PCDH11Y: variants seen among roughly 807,000 people sequenced by gnomAD.
PCDH11Y encodes the protein protocadherin 11 Y-linked, also known as protocadherin-11 Y-linked.
For synonymous variants in PCDH11Y, 9 were observed against 83.6 expected (o/e 0.11, Z 4.87); for missense variants, 12 against 224.8 (o/e 0.05, Z 6.05).
intron 3 of PCDH11Y, among the ~76,000 whole-genome samples, chrY:5,036,738 A>C (rs2124622292): frequency 5.9e-5 from 2 of 33,653 alleles, no homozygotes; most frequent in East Asian, 1.6e-3. Flanking sequence ...ATTGGAAATT[A>C]ATGACTGTCT....
At chrY:5,462,320 A>T in intron 2 of PCDH11Y, among the ~76,000 whole-genome samples, 1 of 33,608 alleles carries the variant, frequency 3.0e-5, no homozygotes, top group African/African-American at 1.2e-4. Flanking sequence ...CTCTGAGGAC[A>T]TCTGTTGGTG....
intron 1 of PCDH11Y, among the ~76,000 whole-genome samples, chrY:5,088,201 C>T: frequency 3.1e-5 from 1 of 32,319 alleles, no homozygotes; most frequent in South Asian, 7.1e-4. Flanking sequence ...ATCAGTGGAA[C>T]CTTCTATTCT....
intron 2 of PCDH11Y, among the ~76,000 whole-genome samples, chrY:5,457,356 A>G: frequency 5.9e-5 from 2 of 33,851 alleles, no homozygotes; most frequent in African/African-American, 2.3e-4. Context: ...TGGAAATTCC[A>G]TCTGCCTTGT....
At chrY:5,256,333 G>T (rs2053011067) in intron 2 of PCDH11Y, among the ~76,000 whole-genome samples, 2 of 32,371 alleles carry the variant, frequency 6.2e-5, no homozygotes, top group African/African-American at 2.4e-4. Context: ...TGGCACCTTT[G>T]TTGAAAACGA....
chrY:5,677,450 A>G, intron 4 of PCDH11Y, among the ~76,000 whole-genome samples: 1 of 31,924 alleles, frequency 3.1e-5, no homozygotes, highest in African/African-American at 1.2e-4. Context: ...TTGTTCTTCC[A>G]TCATAACGCA....
chrY:5,059,065 G>C, intron 1 of PCDH11Y, among the ~76,000 whole-genome samples: 1 of 33,225 alleles, frequency 3.0e-5, no homozygotes, highest in South Asian at 6.7e-4. Flanking sequence ...AGACATACCT[G>C]CATAGAAGAT....
At chrY:5,535,690 A>T in intron 3 of PCDH11Y, among the ~76,000 whole-genome samples, 1 of 33,263 alleles carries the variant, frequency 3.0e-5, no homozygotes. Context: ...GTTGCTATGA[A>T]CATGCATGTG....
At chrY:5,424,861 G>C in intron 2 of PCDH11Y, among the ~76,000 whole-genome samples, 1 of 31,571 alleles carries the variant, frequency 3.2e-5, no homozygotes, top group Non-Finnish European at 7.6e-5. Context: ...ATTTTTAGTA[G>C]AGATGGGGTT....
At chrY:5,034,660 T>C in intron 3 of PCDH11Y, among the ~76,000 whole-genome samples, 1 of 33,163 alleles carries the variant, frequency 3.0e-5, no homozygotes, top group Non-Finnish European at 7.5e-5. Context: ...ATGAGATTTG[T>C]TTCCATTTTA....
chrY:5,433,820 G>A, intron 2 of PCDH11Y, among the ~76,000 whole-genome samples: 1 of 32,168 alleles, frequency 3.1e-5, no homozygotes, highest in South Asian at 7.2e-4. Flanking sequence ...ATGCAGATAA[G>A]CACACCTAAC....
intron 3 of PCDH11Y, among the ~76,000 whole-genome samples, chrY:5,516,609 C>T (rs2053372966): frequency 1.8e-4 from 6 of 32,612 alleles, no homozygotes; most frequent in South Asian, 6.7e-4. Context: ...GATATGTGTC[C>T]GGGCATTTAC....
intron 2 of PCDH11Y, among the ~76,000 whole-genome samples, chrY:5,155,881 CAG>C (rs2052869203): frequency 1.3e-4 from 3 of 23,771 alleles, no homozygotes; most frequent in African/African-American, 3.4e-4. Flanking sequence ...GGAGGTGAGA[CAG>C]GGGGAGAAGT....
At chrY:5,624,802 A>G (rs2053505116) in intron 4 of PCDH11Y, among the ~76,000 whole-genome samples, 2 of 32,534 alleles carry the variant, frequency 6.1e-5, no homozygotes, top group Non-Finnish European at 1.5e-4. Flanking sequence ...TGTAGTTTGA[A>G]GTTGGATAAT....
chrY:5,490,017 C>T, intron 2 of PCDH11Y, among the ~76,000 whole-genome samples: 1 of 32,526 alleles, frequency 3.1e-5, no homozygotes, highest in South Asian at 6.8e-4. Context: ...AAAAAAGAGT[C>T]TATTATAAAC....
intron 4 of PCDH11Y, among the ~76,000 whole-genome samples, chrY:5,700,403 C>G: frequency 6.1e-5 from 2 of 32,845 alleles, no homozygotes; most frequent in Non-Finnish European, 7.4e-5. Context: ...AATTGTAGCT[C>G]CCATAATTCC....
intron 2 of PCDH11Y, among the ~76,000 whole-genome samples, chrY:5,233,940 G>C: frequency 3.1e-5 from 1 of 32,587 alleles, no homozygotes; most frequent in Non-Finnish European, 7.5e-5. Context: ...AAATGGCATA[G>C]AATGAGAACA....
chrY:5,418,082 C>T, intron 2 of PCDH11Y, among the ~76,000 whole-genome samples: 1 of 31,725 alleles, frequency 3.2e-5, no homozygotes, highest in Admixed American at 3.0e-4. Flanking sequence ...GTACAACTAA[C>T]GCTAATGGTT....
chrY:5,228,481 C>G, intron 2 of PCDH11Y, among the ~76,000 whole-genome samples: 2 of 31,192 alleles, frequency 6.4e-5, no homozygotes, highest in Non-Finnish European at 1.6e-4. Context: ...TTGATTTGCT[C>G]TTACTTTTCT....
intron 2 of PCDH11Y, among the ~76,000 whole-genome samples, chrY:5,499,234 C>T: frequency 3.0e-5 from 1 of 32,859 alleles, no homozygotes; most frequent in Non-Finnish European, 7.4e-5. Flanking sequence ...TTCTTTTATT[C>T]AGTTTATTTT....
Sources: gnomAD v4.1 joint callset for allele counts (sites outside exome capture counted in the v4.1 genomes callset) on GRCh38, gnomAD v4.1.1 for gene constraint, MANE v1.5 for transcripts, NCBI Gene and HGNC (gene_info 2026-07-23, HGNC 2026-07-21) for gene names.